Variants in CSMD1 observed in about 807,000 individuals in gnomAD.
The protein encoded by CSMD1 is CUB and Sushi multiple domains 1.
CSMD1 carries 213 observed loss-of-function variants against 417.5 expected under a neutral mutation model. The ratio of observed to expected loss-of-function variants is 0.51; its 90% CI spans 0.46 to 0.57. CSMD1 has a LOEUF of 0.57. Among genes scored for constraint, CSMD1 ranks in the 20% least tolerant of loss-of-function variants. The probability of loss-of-function intolerance (pLI) is 0.00; values close to 1 mark genes in which losing one functional copy is unlikely to be tolerated. For synonymous variants in CSMD1, 2,862 were observed against 1,736.8 expected (o/e 1.65, Z -16.11); for missense variants, 6,923 against 4,529.7 (o/e 1.53, Z -15.17).
In CSMD1 at chr8:4,357,683, C is replaced by G. The variant is rs535150355; in HGVS notation, c.415+62270G>C. ...TAAAGTTTTCTTCATGGTAGGACTTCAAAAACTTAACAAATAATCAGAATT... is the reference window on the plus strand; with the variant it reads ...TAAAGTTTTCTTCATGGTAGGACTTGAAAAACTTAACAAATAATCAGAATT... On this transcript the variant is annotated intron_variant, in intron 3 of 69. Coordinates refer to ENST00000635120, the MANE Select transcript of CSMD1 (RefSeq NM_033225.6). Among the ~76,000 whole-genome samples, 278 of 152,054 alleles carry G rather than the reference C, an allele frequency of 1.8e-3. 2 individuals carry two copies. The highest frequency in any genetic ancestry group is 1.8e-3 in the Non-Finnish European group (123 of 67,986).
chr8:3,504,359 T>A (rs1796735794), intron 10 of CSMD1, among the ~76,000 whole-genome samples: 1 of 152,352 alleles, frequency 6.6e-6, no homozygotes, highest in East Asian at 1.9e-4. Context: ...TAACCTTTCT[T>A]CTGTCTTATC....
At chr8:3,772,115 C>G (rs1798604154) in intron 5 of CSMD1, among the ~76,000 whole-genome samples, 1 of 147,280 alleles carries the variant, frequency 6.8e-6, no homozygotes, top group African/African-American at 2.5e-5. Flanking sequence ...TGTGAGTGCT[C>G]TAAACTGTAA....
At chr8:4,183,314 T>C (rs1311821920) in intron 3 of CSMD1, among the ~76,000 whole-genome samples, 1 of 152,180 alleles carries the variant, frequency 6.6e-6, no homozygotes, top group African/African-American at 2.4e-5. Context: ...ATTAAATATA[T>C]TTAAAATAAT....
chr8:4,974,301 C>T (rs187329149), intron 1 of CSMD1, among the ~76,000 whole-genome samples: 3 of 152,020 alleles, frequency 2.0e-5, no homozygotes, highest in Admixed American at 1.3e-4. Flanking sequence ...GCTGGGATTA[C>T]AGGCGCAAGA....
intron 5 of CSMD1, among the ~76,000 whole-genome samples, chr8:3,884,088 G>C (rs1196018947): frequency 6.6e-6 from 1 of 152,086 alleles, no homozygotes; most frequent in East Asian, 1.9e-4. Context: ...TCCAATAAAG[G>C]TAAACAGCGA....
At chr8:3,659,738 C>A (rs1235367009) in intron 7 of CSMD1, among the ~76,000 whole-genome samples, 2 of 152,138 alleles carry the variant, frequency 1.3e-5, no homozygotes, top group African/African-American at 4.8e-5. Context: ...TATTAATTCC[C>A]CCAACACCCC....
intron 1 of CSMD1, among the ~76,000 whole-genome samples, chr8:4,872,391 C>T (rs1802786194): frequency 6.6e-6 from 1 of 151,882 alleles, no homozygotes; most frequent in African/African-American, 2.4e-5. Context: ...GAGTGGTTTC[C>T]CTGATGCTGC....
intron 26 of CSMD1, among the ~76,000 whole-genome samples, chr8:3,250,149 G>C (rs763288388): frequency 5.3e-5 from 8 of 152,210 alleles, no homozygotes; most frequent in East Asian, 1.9e-4. Flanking sequence ...TGTTGGTGTG[G>C]TACACCCATT....
intron 7 of CSMD1, among the ~76,000 whole-genome samples, chr8:3,630,943 T>C (rs1170390334): frequency 6.6e-6 from 1 of 152,200 alleles, no homozygotes; most frequent in Non-Finnish European, 1.5e-5. Flanking sequence ...ATTCACTTTC[T>C]TCCAAGAGAT....
rs151267026 is a variant in CSMD1 at position 4,167,379 on chromosome 8, A to G, written c.416-135280T>C. Among the ~76,000 whole-genome samples, 1,175 of 152,342 alleles carry G rather than the reference A, an allele frequency of 7.7e-3. 7 individuals carry two copies. Among genetic ancestry groups the G allele is most frequent in the South Asian group, 0.026 (126 of 4,824 alleles). On this transcript the variant is annotated intron_variant, in intron 3 of 69. Coordinates refer to ENST00000635120, the MANE Select transcript of CSMD1 (RefSeq NM_033225.6). The stretch of plus-strand genomic sequence containing the variant: ...TGGTGACACTTCAATTTAAATAACA[A>G]ACTATGTTAAATTTCATAGGCTAAA...
At chr8:3,652,831 C>T (rs1797926080) in intron 7 of CSMD1, among the ~76,000 whole-genome samples, 1 of 152,144 alleles carries the variant, frequency 6.6e-6, no homozygotes, top group Admixed American at 6.5e-5. Context: ...CTTTGTTTTG[C>T]TCACTACCGT....
intron 3 of CSMD1, among the ~76,000 whole-genome samples, chr8:4,327,002 G>C (rs1017154485): frequency 1.3e-5 from 2 of 152,104 alleles, no homozygotes; most frequent in South Asian, 2.1e-4. Flanking sequence ...GAAAACGAAA[G>C]AATTGGGAGA....
chr8:3,297,082 C>T (rs1159258199), intron 25 of CSMD1, among the ~76,000 whole-genome samples: 6 of 152,150 alleles, frequency 3.9e-5, no homozygotes, highest in Non-Finnish European at 8.8e-5. Flanking sequence ...TGCCATTAAG[C>T]AGAAAGCATC....
chr8:3,954,690 C>G (rs1007104431), intron 5 of CSMD1, among the ~76,000 whole-genome samples: 3 of 152,252 alleles, frequency 2.0e-5, no homozygotes. Context: ...AGACTCCCCT[C>G]TTTCCCATGA....
chr8:4,219,058 G>A (rs535791932), intron 3 of CSMD1, among the ~76,000 whole-genome samples: 3 of 152,200 alleles, frequency 2.0e-5, no homozygotes, highest in South Asian at 4.2e-4. Flanking sequence ...TACGTTAGAG[G>A]TACACCGTCT....
chr8:4,847,980 AC>A (rs1424636492), intron 1 of CSMD1, among the ~76,000 whole-genome samples: 3 of 150,982 alleles, frequency 2.0e-5, no homozygotes, highest in Non-Finnish European at 4.4e-5. Flanking sequence ...AACACACACC[AC>A]CCTCTCCTTC....
chr8:3,754,056 A>G lies in CSMD1; in HGVS notation c.819-14T>C, dbSNP rs763834625. ...ATGCCAGTTAGCCTAGAGAAGAGAA[A>G]GAGGAAAAAAATCTCCCTTGTAAAC... On this transcript the variant is annotated splice_polypyrimidine_tract_variant and intron_variant, in intron 5 of 69. Transcript: ENST00000635120. The G allele has an allele frequency of 4.4e-6, 7 of 1,582,932 alleles. No individual in the cohort carries two copies. The highest frequency in any genetic ancestry group is 4.2e-5 in the African/African-American group (3 of 72,046).
chr8:3,811,167 G>C (rs905243048), intron 5 of CSMD1, among the ~76,000 whole-genome samples: 3 of 152,176 alleles, frequency 2.0e-5, no homozygotes, highest in East Asian at 1.9e-4. Flanking sequence ...ACAGGACTGT[G>C]AGATCTGAAT....
At chr8:3,935,585 C>G (rs565683389) in intron 5 of CSMD1, among the ~76,000 whole-genome samples, 2 of 152,196 alleles carry the variant, frequency 1.3e-5, no homozygotes, top group African/African-American at 2.4e-5. Context: ...GGTGATCTGT[C>G]ATCAGTAATT....
Sources: allele counts gnomAD v4.1 joint callset (sites outside exome capture counted in the v4.1 genomes callset), GRCh38; gene constraint gnomAD v4.1.1; transcripts MANE v1.5; gene names NCBI Gene and HGNC (gene_info 2026-07-23, HGNC 2026-07-21).